LRRC20: variants seen among roughly 807,000 people sequenced by gnomAD.
LRRC20 encodes the protein leucine-rich repeat-containing protein 20.
Under a neutral mutation model 14.4 loss-of-function variants are expected in LRRC20, and 11 were observed. The ratio of observed to expected loss-of-function variants is 0.77; its 90% CI spans 0.48 to 1.27. LRRC20 has a LOEUF of 1.27. Among genes scored for constraint, LRRC20 ranks in the 50% most tolerant of loss-of-function variants. The probability of loss-of-function intolerance (pLI) is 0.00; values close to 1 mark genes in which losing one functional copy is unlikely to be tolerated. For missense variants in LRRC20, 219 were observed against 251.2 expected (o/e 0.87, Z 0.87); for synonymous variants, 121 against 107.3 (o/e 1.13, Z -0.79).
chr10:70,328,126 C>T (rs1475035902), intron 3 of LRRC20, among the ~76,000 whole-genome samples: 3 of 152,126 alleles, frequency 2.0e-5, no homozygotes, highest in South Asian at 2.1e-4. Context: ...GCCTATTTAT[C>T]GCAGGCTGTG....
chr10:70,344,620 G>A (rs185593048), intron 2 of LRRC20, among the ~76,000 whole-genome samples: 86 of 152,334 alleles, frequency 5.6e-4, no homozygotes, highest in African/African-American at 2.0e-3. Context: ...AGGCTGGAGT[G>A]CAGTGGCACG....
Position 70,301,015 on chromosome 10 carries a change from G to A in LRRC20, c.*339C>T, listed in dbSNP as rs1399591041. On this transcript the variant is annotated 3_prime_UTR_variant, in exon 5 of 5. Coordinates refer to ENST00000446961, the MANE Select transcript of LRRC20 (RefSeq NM_001278212.2). Reference sequence around the variant, plus strand: ...TGATCTGGAGGTAACTTGGAGGCACGTACTGCTTAAAAACCTCCAGGGAGC... The same window carrying A: ...TGATCTGGAGGTAACTTGGAGGCACATACTGCTTAAAAACCTCCAGGGAGC... The A allele has an allele frequency of 2.0e-5, 21 of 1,069,606 alleles. No homozygotes were observed. Among genetic ancestry groups the A allele is most frequent in the Non-Finnish European group, 2.3e-5 (20 of 884,736 alleles). The allele number at this position is 1,069,606 out of a possible 1,614,324, so 66.3% of individuals were successfully genotyped here.
chr10:70,303,983 GTTAAT>G (rs1394480831), intron 4 of LRRC20, among the ~76,000 whole-genome samples: 1 of 152,102 alleles, frequency 6.6e-6, no homozygotes, highest in Non-Finnish European at 1.5e-5. Context: ...ACTTTATGTG[GTTAAT>G]TTAAGTGGTT....
intron 2 of LRRC20, among the ~76,000 whole-genome samples, chr10:70,352,358 G>A (rs1843344962): frequency 6.6e-6 from 1 of 152,066 alleles, no homozygotes. Flanking sequence ...CTTCCTTTTA[G>A]GTATATTGTG....
At chr10:70,361,320 G>A (rs1843713544) in intron 2 of LRRC20, among the ~76,000 whole-genome samples, 1 of 152,248 alleles carries the variant, frequency 6.6e-6, no homozygotes, top group Admixed American at 6.5e-5. Flanking sequence ...GGATATGATG[G>A]TGAGCAAGAG....
At chr10:70,318,836 C>T (rs953905953) in intron 4 of LRRC20, among the ~76,000 whole-genome samples, 1 of 151,762 alleles carries the variant, frequency 6.6e-6, no homozygotes, top group African/African-American at 2.4e-5. Flanking sequence ...GAGACAGGGT[C>T]TCACTCTGTG....
chr10:70,301,292 C>G lies in LRRC20; in HGVS notation c.*62G>C, dbSNP rs1841168009. The G allele has an allele frequency of 2.6e-6, 4 of 1,553,214 alleles. No homozygotes were observed. The highest frequency in any genetic ancestry group is 2.4e-5 in the South Asian group (2 of 83,456). On this transcript the variant is annotated 3_prime_UTR_variant, in exon 5 of 5. Coordinates refer to ENST00000446961, the MANE Select transcript of LRRC20 (RefSeq NM_001278212.2). ...GGCTTGGCCTCCCATGGGCCTCCCT[C>G]CCTTCCAGGGTTCCAGGCCTGTGGC...
At chr10:70,327,367 G>C (rs1842366315) in intron 3 of LRRC20, among the ~76,000 whole-genome samples, 1 of 150,346 alleles carries the variant, frequency 6.7e-6, no homozygotes, top group Non-Finnish European at 1.5e-5. Flanking sequence ...TTGAGATCAA[G>C]AGTTCGAGAC....
Position 70,299,083 on chromosome 10 carries a change from CA to C in LRRC20, c.*2270del, listed in dbSNP as rs2136826318. ...CCACACTTTCCAAGACAGACAAGGGCAAACTCTCCAAGCAGAGGAGAAAACA... is the reference window on the plus strand; with the variant it reads ...CCACACTTTCCAAGACAGACAAGGGCAACTCTCCAAGCAGAGGAGAAAACA... On this transcript the variant is annotated 3_prime_UTR_variant, in exon 5 of 5. Transcript: ENST00000446961. 6.5e-6 allele frequency: 1 copy of C among 152,714 alleles called. No individual in the cohort carries two copies. Among genetic ancestry groups the C allele is most frequent in the African/African-American group, 2.4e-5 (1 of 41,538 alleles). The allele number at this position is 152,714 out of a possible 1,614,324, so 9.5% of individuals were successfully genotyped here.
At chr10:70,349,406 T>C (rs529088037) in intron 2 of LRRC20, among the ~76,000 whole-genome samples, 1 of 152,054 alleles carries the variant, frequency 6.6e-6, no homozygotes, top group Non-Finnish European at 1.5e-5. Flanking sequence ...GTTAAAACCC[T>C]GTCTCTAATA....
At chr10:70,337,986 C>T (rs961803011) in intron 3 of LRRC20, among the ~76,000 whole-genome samples, 1 of 152,220 alleles carries the variant, frequency 6.6e-6, no homozygotes, top group African/African-American at 2.4e-5. Flanking sequence ...ATTCTATCCT[C>T]CTCGGGAAAG....
rs190985685 is a variant in LRRC20 at position 70,330,014 on chromosome 10, C to T, written c.233-5984G>A. ...TGACTGGTAATATTTTGCTGAGAAT[C>T]TTTCCATCTGTGTTCTTGGGAGATA... On this transcript the variant is annotated intron_variant, in intron 3 of 4. Transcript: ENST00000446961. Among the ~76,000 whole-genome samples, 205 of 152,328 alleles carry T rather than the reference C, an allele frequency of 1.3e-3. 1 individual carries two copies. Among genetic ancestry groups the T allele is most frequent in the Non-Finnish European group, 2.3e-3 (156 of 68,028 alleles).
chr10:70,369,951 G>A (rs1176899274), intron 2 of LRRC20, among the ~76,000 whole-genome samples: 1 of 152,006 alleles, frequency 6.6e-6, no homozygotes, highest in East Asian at 1.9e-4. Flanking sequence ...ATGGTGGCAG[G>A]TGCCCAGCTA....
intron 2 of LRRC20, among the ~76,000 whole-genome samples, chr10:70,367,348 GA>G (rs1554843841): frequency 8.7e-4 from 119 of 137,530 alleles, no homozygotes; most frequent in Middle Eastern, 3.6e-3. Flanking sequence ...AAAAAAGAAA[GA>G]AAAGAAAAAG....
At chr10:70,326,862 T>C (rs1242471025) in intron 3 of LRRC20, among the ~76,000 whole-genome samples, 1 of 152,194 alleles carries the variant, frequency 6.6e-6, no homozygotes, top group African/African-American at 2.4e-5. Context: ...GGTTTCACCA[T>C]GTTAGCCAGG....
chr10:70,360,211 TC>T (rs1843673265), intron 2 of LRRC20, among the ~76,000 whole-genome samples: 1 of 152,028 alleles, frequency 6.6e-6, no homozygotes, highest in Non-Finnish European at 1.5e-5. Flanking sequence ...ACTGCGCCCA[TC>T]CGCATTTCTT....
chr10:70,350,548 G>T (rs1289954315), intron 2 of LRRC20, among the ~76,000 whole-genome samples: 2 of 152,208 alleles, frequency 1.3e-5, no homozygotes, highest in Non-Finnish European at 2.9e-5. Flanking sequence ...CACTCAGCTG[G>T]AATTCAGGAG....
chr10:70,311,791 C>A (rs1489997503), intron 4 of LRRC20, among the ~76,000 whole-genome samples: 1 of 152,166 alleles, frequency 6.6e-6, no homozygotes, highest in East Asian at 1.9e-4. Context: ...TTAAACTATG[C>A]ACTGGCTGGC....
At chr10:70,336,751 C>T (rs1477475228) in intron 3 of LRRC20, among the ~76,000 whole-genome samples, 2 of 152,306 alleles carry the variant, frequency 1.3e-5, no homozygotes, top group South Asian at 4.1e-4. Flanking sequence ...TAGCAAGCTC[C>T]GAATACATAG....
Sources: allele counts gnomAD v4.1 joint callset (sites outside exome capture counted in the v4.1 genomes callset), GRCh38; gene constraint gnomAD v4.1.1; transcripts MANE v1.5; gene names NCBI Gene and HGNC (gene_info 2026-07-23, HGNC 2026-07-21).